The following SERPINA9 variants were observed in gnomAD, a reference collection of about 807,000 sequenced individuals.
SERPINA9 encodes the protein serpin A9.
A neutral mutation model predicts 24.5 loss-of-function variants in SERPINA9; 32 were observed. The observed-to-expected ratio is 1.30, with a 90% CI of 0.98 to 1.75. The LOEUF (loss-of-function observed/expected upper bound fraction) is 1.75, where lower values mean the gene tolerates loss of function less well. SERPINA9 is among the 40% of genes most tolerant of loss of function. SERPINA9 has a pLI of 0.00. For missense variants in SERPINA9, 594 were observed against 497.1 expected (o/e 1.19, Z -1.85); for synonymous variants, 233 against 197.7 (o/e 1.18, Z -1.50).
At chr14:94,475,591 T>C (rs1899571061) in intron 1 of SERPINA9, among the ~76,000 whole-genome samples, 2 of 152,154 alleles carry the variant, frequency 1.3e-5, no homozygotes, top group Admixed American at 1.3e-4. Flanking sequence ...CTCTCTCCCC[T>C]ACACCTCCAC....
intron 1 of SERPINA9, chr14:94,475,922 A>C (rs1595675362): frequency 1.6e-6 from 1 of 613,252 alleles, no homozygotes; most frequent in Non-Finnish European, 2.8e-6. Context: ...CTGTGGCCTT[A>C]CCTCCAACTC....
chr14:94,463,872 C>T (rs907316379), intron 4 of SERPINA9, among the ~76,000 whole-genome samples: 6 of 152,132 alleles, frequency 3.9e-5, no homozygotes, highest in African/African-American at 9.7e-5. Context: ...ACACTTTCCT[C>T]GAGAAAATGT....
At chr14:94,476,062 T>G in intron 1 of SERPINA9, 74 bp downstream of exon 1, 2 of 1,608,086 alleles carry the variant, frequency 1.2e-6, no homozygotes, top group Non-Finnish European at 1.7e-6. Context: ...CTGAAGACCA[T>G]GCTCTGATCC....
intron 1 of SERPINA9, among the ~76,000 whole-genome samples, chr14:94,472,978 G>T (rs946230451): frequency 2.6e-5 from 4 of 152,190 alleles, no homozygotes; most frequent in Admixed American, 2.0e-4. Context: ...TGCCGAGAGA[G>T]GGGGCCCCAT....
chr14:94,467,525 G>A (rs1462097004), intron 2 of SERPINA9, 143 bp from the exon 3 acceptor site: 1 of 691,826 alleles, frequency 1.4e-6, no homozygotes, highest in African/African-American at 1.8e-5. Context: ...TTACACAGCG[G>A]AGTAGTTGCC....
At position 94,469,198 on chromosome 14, in the gene SERPINA9, T is replaced by G. The variant is rs760298714; in HGVS notation, c.628+15A>C. ...ATAAAATAAATAAATAAAAATCAACTTCTCAAATCCTTACCTTTAAAGAAA... is the reference window on the plus strand; with the variant it reads ...ATAAAATAAATAAATAAAAATCAACGTCTCAAATCCTTACCTTTAAAGAAA... On this transcript the variant is annotated intron_variant, in intron 2 of 4. Coordinates refer to ENST00000674397, the MANE Select transcript of SERPINA9 (RefSeq NM_175739.4). 1.9e-6 allele frequency: 3 copies of G among 1,584,238 alleles called. No homozygotes were observed. The East Asian group carries it at 6.7e-5, about 35-fold the overall frequency.
At chr14:94,465,586 G>A (rs1370279320) in intron 3 of SERPINA9, among the ~76,000 whole-genome samples, 2 of 152,244 alleles carry the variant, frequency 1.3e-5, no homozygotes, top group East Asian at 1.9e-4. Context: ...GGAGTGCAAT[G>A]GCACAGTCTC....
At chr14:94,464,685 C>A (rs1284777456) in intron 4 of SERPINA9, 22 bp downstream of exon 4, 3 of 1,597,972 alleles carry the variant, frequency 1.9e-6, no homozygotes, top group Non-Finnish European at 1.7e-6. Flanking sequence ...GACTTTTTTG[C>A]AAATATTTTC....
intron 1 of SERPINA9, among the ~76,000 whole-genome samples, chr14:94,471,710 A>G (rs780539465): frequency 1.3e-5 from 2 of 151,610 alleles, no homozygotes; most frequent in Non-Finnish European, 2.9e-5. Context: ...ACTGACCTCC[A>G]GAGCTGCCCC....
chr14:94,473,723 G>A (rs116794500), intron 1 of SERPINA9, among the ~76,000 whole-genome samples: 2,778 of 152,214 alleles, frequency 0.018, 80 homozygotes, highest in African/African-American at 0.064. Flanking sequence ...TGTTAACTTG[G>A]GGTCTGCAGG....
chr14:94,465,938 C>T (rs1367146192), intron 3 of SERPINA9, among the ~76,000 whole-genome samples: 1 of 152,220 alleles, frequency 6.6e-6, no homozygotes, highest in Non-Finnish European at 1.5e-5. Context: ...TAGTGACTCA[C>T]AGCAACGAAA....
intron 1 of SERPINA9, among the ~76,000 whole-genome samples, chr14:94,472,530 G>A (rs1899370964): frequency 6.6e-6 from 1 of 152,182 alleles, no homozygotes; most frequent in African/African-American, 2.4e-5. Flanking sequence ...TTCTTTGAAT[G>A]TGTAATTTAT....
chr14:94,463,005 A>G lies in SERPINA9; in HGVS notation c.*88T>C. 4 of 1,198,808 alleles carry G rather than the reference A, an allele frequency of 3.3e-6. 1 individual carries two copies. Among genetic ancestry groups the G allele is most frequent in the South Asian group, 2.6e-5 (2 of 78,106 alleles). The allele number at this position is 1,198,808 out of a possible 1,614,324, so 74.3% of individuals were successfully genotyped here. A position where few individuals can be genotyped will look rare whatever the true frequency, so the allele number is the denominator to read the frequency against. On this transcript the variant is annotated 3_prime_UTR_variant, in exon 5 of 5. Transcript: ENST00000674397. ...CAGCGAATCCAGCTCCACTGGGGTC[A>G]AATGCACCCTCAGAACAGAAAGAGG...
chr14:94,473,376 A>G (rs912143101), intron 1 of SERPINA9, among the ~76,000 whole-genome samples: 2 of 152,078 alleles, frequency 1.3e-5, no homozygotes, highest in Non-Finnish European at 2.9e-5. Context: ...AAAGTTAGCC[A>G]GGCTTGGTGG....
chr14:94,469,931 C>T lies in SERPINA9; in HGVS notation c.-17-74G>A, dbSNP rs1899230896. 6 of 1,219,100 alleles carry T rather than the reference C, an allele frequency of 4.9e-6. No individual in the cohort carries two copies. The South Asian group carries it at 7.7e-5, about 16-fold the overall frequency. 75.5% of individuals were successfully genotyped at this position (1,219,100 alleles called of 1,614,324 possible). A position where few individuals can be genotyped will look rare whatever the true frequency, so the allele number is the denominator to read the frequency against. On this transcript the variant is annotated intron_variant, in intron 1 of 4. Coordinates refer to ENST00000674397, the MANE Select transcript of SERPINA9 (RefSeq NM_175739.4). ...CCTGAATCAGAGACCCTTTAACACC[C>T]CCACGCCATCAGCAGCAGAATGAGG...
intron 3 of SERPINA9, among the ~76,000 whole-genome samples, chr14:94,465,629 G>A (rs1370921029): frequency 6.6e-6 from 1 of 152,144 alleles, no homozygotes; most frequent in East Asian, 1.9e-4. Flanking sequence ...GTGGGTTCAA[G>A]TGTTTCTCCT....
intron 1 of SERPINA9, among the ~76,000 whole-genome samples, chr14:94,473,321 C>T (rs1179900053): frequency 6.6e-6 from 1 of 152,090 alleles, no homozygotes; most frequent in Non-Finnish European, 1.5e-5. Flanking sequence ...GAGTTCCAGA[C>T]CAGCCTGGCC....
chr14:94,471,912 T>C (rs1899342218), intron 1 of SERPINA9, among the ~76,000 whole-genome samples: 1 of 152,088 alleles, frequency 6.6e-6, no homozygotes, highest in South Asian at 2.1e-4. Flanking sequence ...GTCCAAACCC[T>C]CCTTATCTCT....
At chr14:94,474,578 C>T (rs1350101656) in intron 1 of SERPINA9, among the ~76,000 whole-genome samples, 1 of 152,194 alleles carries the variant, frequency 6.6e-6, no homozygotes, top group African/African-American at 2.4e-5. Flanking sequence ...AAATCCACCA[C>T]ACTCCCCACT....
Sources: gnomAD v4.1 joint callset for allele counts (sites outside exome capture counted in the v4.1 genomes callset) on GRCh38, gnomAD v4.1.1 for gene constraint, MANE v1.5 for transcripts, NCBI Gene and HGNC (gene_info 2026-07-23, HGNC 2026-07-21) for gene names.